The following CLEC9A variants were observed in gnomAD, a reference collection of about 807,000 sequenced individuals.
The protein encoded by CLEC9A is C-type lectin domain family 9 member A.
In CLEC9A, 24 loss-of-function variants were observed where a neutral mutation model predicts 30.0. The ratio of observed to expected loss-of-function variants is 0.80; its 90% CI spans 0.58 to 1.13. The LOEUF (loss-of-function observed/expected upper bound fraction) is 1.13. CLEC9A is among the 50% of genes most tolerant of loss of function. CLEC9A has a pLI of 0.00. For missense variants in CLEC9A, 251 were observed against 280.9 expected (o/e 0.89, Z 0.76); for synonymous variants, 111 against 96.8 (o/e 1.15, Z -0.86).
intron 2 of CLEC9A, among the ~76,000 whole-genome samples, chr12:10,045,029 A>G (rs933816682): frequency 5.9e-5 from 9 of 152,182 alleles, no homozygotes; most frequent in Admixed American, 5.2e-4. Flanking sequence ...TCCTCAGCTC[A>G]AAAATATTGA....
chr12:10,038,633 A>G (rs569757714), intron 1 of CLEC9A, among the ~76,000 whole-genome samples: 74 of 152,358 alleles, frequency 4.9e-4, no homozygotes, highest in Admixed American at 6.5e-4. Context: ...CCATAAAGCT[A>G]TATAAGAGCT....
At chr12:10,062,988 T>G in intron 6 of CLEC9A, 67 bp from the exon 7 acceptor site, 1 of 1,418,398 alleles carries the variant, frequency 7.1e-7, no homozygotes, top group Non-Finnish European at 9.4e-7. Context: ...GCAAGGGGCT[T>G]TTTGGAGGGA....
At chr12:10,058,460 T>C (rs1392454513) in intron 5 of CLEC9A, among the ~76,000 whole-genome samples, 1 of 152,232 alleles carries the variant, frequency 6.6e-6, no homozygotes, top group African/African-American at 2.4e-5. Flanking sequence ...CTTTCTCTAG[T>C]CCATGGCTTT....
In CLEC9A at chr12:10,039,577, C is replaced by T. The variant is rs1409823137; in HGVS notation, c.-317-1889C>T. On this transcript the variant is annotated intron_variant, in intron 1 of 8. Coordinates refer to ENST00000355819, the MANE Select transcript of CLEC9A (RefSeq NM_207345.4). ...AATTTCATATGTAAATCCTATGTTC[C>T]CCTGTCTGAAATCTTTCTCATTCTA... Among the ~76,000 whole-genome samples the T allele has an allele frequency of 2.0e-5, 3 of 152,050 alleles. No homozygotes were observed. The East Asian group carries it at 5.8e-4, about 29-fold the overall frequency.
intron 6 of CLEC9A, among the ~76,000 whole-genome samples, chr12:10,062,044 C>T (rs1000993232): frequency 6.6e-6 from 1 of 152,156 alleles, no homozygotes; most frequent in Non-Finnish European, 1.5e-5. Flanking sequence ...ATTGCAAACT[C>T]GGGTGAGGCC....
intron 1 of CLEC9A, among the ~76,000 whole-genome samples, chr12:10,036,472 G>T (rs929292020): frequency 2.2e-4 from 34 of 152,188 alleles, no homozygotes; most frequent in African/African-American, 8.0e-4. Flanking sequence ...TAGCTTAAAG[G>T]TGGTAAGAAG....
chr12:10,059,174 A>C (rs1450031993), intron 5 of CLEC9A, among the ~76,000 whole-genome samples: 1 of 152,176 alleles, frequency 6.6e-6, no homozygotes, highest in Non-Finnish European at 1.5e-5. Flanking sequence ...TGATTTCAAA[A>C]CCTGTATGAA....
At chr12:10,035,932 A>G (rs115721728) in intron 1 of CLEC9A, among the ~76,000 whole-genome samples, 3,648 of 152,292 alleles carry the variant, frequency 0.024, 153 homozygotes, top group African/African-American at 0.083. Flanking sequence ...CAAGAAGTAT[A>G]CTTATTCAAA....
At chr12:10,062,654 A>G (rs1199977490) in intron 6 of CLEC9A, among the ~76,000 whole-genome samples, 1 of 152,176 alleles carries the variant, frequency 6.6e-6, no homozygotes, top group African/African-American at 2.4e-5. Context: ...TATTCAATCC[A>G]TCCAATGGTC....
rs1866039424 is a variant in CLEC9A, at chr12:10,065,696, C to A, written c.*64C>A. On this transcript the variant is annotated 3_prime_UTR_variant, in exon 9 of 9. Transcript: ENST00000355819. ...TGGAGCATGCCATTGGAAAACCCAC[C>A]CCCACCCCCCCTCAAAAAAACAGAA... 1.8e-5 allele frequency: 28 copies of A among 1,545,658 alleles called. No homozygotes were observed. The highest frequency in any genetic ancestry group is 2.5e-5 in the Non-Finnish European group (28 of 1,140,894).
At chr12:10,055,193 C>T (rs1865930204) in intron 5 of CLEC9A, among the ~76,000 whole-genome samples, 1 of 152,188 alleles carries the variant, frequency 6.6e-6, no homozygotes, top group South Asian at 2.1e-4. Flanking sequence ...TAAAGTTTCA[C>T]AGCTTAACAG....
chr12:10,055,285 A>C (rs1865931497), intron 5 of CLEC9A, among the ~76,000 whole-genome samples: 1 of 152,214 alleles, frequency 6.6e-6, no homozygotes. Flanking sequence ...TTTTAGACAA[A>C]TGTGAGTTCG....
At chr12:10,060,483 A>G (rs1396816970) in intron 5 of CLEC9A, 3 of 152,344 alleles carry the variant, frequency 2.0e-5, no homozygotes, top group Non-Finnish European at 4.4e-5. Flanking sequence ...GATAGCATTT[A>G]TATGTCATTT....
intron 5 of CLEC9A, among the ~76,000 whole-genome samples, chr12:10,058,737 G>A (rs144100550): frequency 1.3e-5 from 2 of 152,166 alleles, no homozygotes; most frequent in East Asian, 3.9e-4. Flanking sequence ...TAGAGACAAG[G>A]CTTTGCCATG....
chr12:10,053,786 A>G (rs1173937216), intron 4 of CLEC9A, among the ~76,000 whole-genome samples: 1 of 152,128 alleles, frequency 6.6e-6, no homozygotes, highest in Non-Finnish European at 1.5e-5. Context: ...GTTACCTTGG[A>G]AAACTTGTTC....
chr12:10,063,495 A>G (rs1399711401), intron 7 of CLEC9A, among the ~76,000 whole-genome samples: 1 of 152,214 alleles, frequency 6.6e-6, no homozygotes, highest in African/African-American at 2.4e-5. Context: ...TTGTAGCATG[A>G]TAATCCACTT....
rs1865897446 is a variant in CLEC9A, at chr12:10,052,072, G to A, written c.-81G>A. The A allele has an allele frequency of 6.6e-6, 1 of 152,192 alleles. No homozygotes were observed. The highest frequency in any genetic ancestry group is 1.5e-5 in the Non-Finnish European group (1 of 68,026). The allele number at this position is 152,192 out of a possible 1,614,324, so 9.4% of individuals were successfully genotyped here. A position where few individuals can be genotyped will look rare whatever the true frequency, so the allele number is the denominator to read the frequency against. ...TTGGAGGAATGCTATCACTAACTAGGATTCCTGGAGCTAAAACATTATGTA... is the reference window on the plus strand; with the variant it reads ...TTGGAGGAATGCTATCACTAACTAGAATTCCTGGAGCTAAAACATTATGTA... On this transcript the variant is annotated 5_prime_UTR_variant, in exon 3 of 9. Coordinates refer to ENST00000355819, the MANE Select transcript of CLEC9A (RefSeq NM_207345.4).
At chr12:10,053,960 G>A (rs1056019667) in intron 4 of CLEC9A, among the ~76,000 whole-genome samples, 1 of 152,146 alleles carries the variant, frequency 6.6e-6, no homozygotes, top group African/African-American at 2.4e-5. Context: ...CTAAAAGATT[G>A]TTGGAAAAGA....
At position 10,041,481 on chromosome 12, in the gene CLEC9A, GC is replaced by G; in HGVS notation, c.-298del. ...GTTTCTCCAGGTGACTATAAACGCA[GC>G]CCCTGTGATGCCAACTGGACATATT... On this transcript the variant is annotated 5_prime_UTR_variant, in exon 2 of 9. An upstream open reading frame in the 5' UTR gains an earlier in-frame stop. Coordinates refer to ENST00000355819, the MANE Select transcript of CLEC9A (RefSeq NM_207345.4). 1 of 446,876 alleles carries G rather than the reference GC, an allele frequency of 2.2e-6. No homozygotes were observed. The allele number at this position is 446,876 out of a possible 1,614,324, so 27.7% of individuals were successfully genotyped here. A position where few individuals can be genotyped will look rare whatever the true frequency, so the allele number is the denominator to read the frequency against.
Sources: gnomAD v4.1 joint callset for allele counts (sites outside exome capture counted in the v4.1 genomes callset) on GRCh38, gnomAD v4.1.1 for gene constraint, MANE v1.5 for transcripts, NCBI Gene and HGNC (gene_info 2026-07-23, HGNC 2026-07-21) for gene names.